FAP: variants seen among roughly 807,000 people sequenced by gnomAD.
FAP encodes the protein fibroblast activation protein alpha.
Under a neutral mutation model 126.5 loss-of-function variants are expected in FAP, and 110 were observed. The ratio of observed to expected loss-of-function variants is 0.87; its 90% CI spans 0.74 to 1.02. FAP has a LOEUF of 1.02. FAP is among the 50% of genes least tolerant of loss of function. The pLI, the probability that FAP is intolerant of heterozygous loss-of-function variation, is 0.00. For missense variants in FAP, 919 were observed against 909.2 expected (o/e 1.01, Z -0.14); for synonymous variants, 334 against 297.3 (o/e 1.12, Z -1.27).
At chr2:162,188,889 A>C (rs960078428) in intron 19 of FAP, among the ~76,000 whole-genome samples, 6 of 152,126 alleles carry the variant, frequency 3.9e-5, no homozygotes, top group Admixed American at 3.3e-4. Context: ...AATTTAACAC[A>C]GCAAATGCAA....
chr2:162,235,719 G>A (rs960325476), intron 2 of FAP, among the ~76,000 whole-genome samples: 2 of 152,216 alleles, frequency 1.3e-5, no homozygotes, highest in Non-Finnish European at 1.5e-5. Flanking sequence ...TGAGCCAGCA[G>A]TGGCACTCTG....
In FAP at chr2:162,202,854, G is replaced by A; in HGVS notation, c.1223+18C>T. Reference sequence around the variant, plus strand: ...AATTAAAACCTGAATGGTGCATCGTGCTTCGTGCAATACTTACAGTGAATC... The same window carrying A: ...AATTAAAACCTGAATGGTGCATCGTACTTCGTGCAATACTTACAGTGAATC... On this transcript the variant is annotated intron_variant, in intron 14 of 25. Transcript: ENST00000188790. 1.9e-6 allele frequency: 3 copies of A among 1,598,742 alleles called. No individual in the cohort carries two copies. Among genetic ancestry groups the A allele is most frequent in the Non-Finnish European group, 2.6e-6 (3 of 1,166,178 alleles).
At chr2:162,172,378 A>C (rs9973461) in intron 25 of FAP, 19,817 of 159,882 alleles carry the variant, frequency 0.12, 2,799 homozygotes, top group African/African-American at 0.3. Flanking sequence ...TTCTCTAACC[A>C]CAAATGGAGC....
chr2:162,224,793 A>G (rs558784260), intron 4 of FAP, among the ~76,000 whole-genome samples: 160 of 152,308 alleles, frequency 1.1e-3, no homozygotes, highest in African/African-American at 3.7e-3. Flanking sequence ...GTAACATACT[A>G]CAAATTAGGA....
At chr2:162,195,915 A>G (rs1688236770) in intron 16 of FAP, among the ~76,000 whole-genome samples, 1 of 152,152 alleles carries the variant, frequency 6.6e-6, no homozygotes, top group African/African-American at 2.4e-5. Flanking sequence ...AACCCATTAA[A>G]GTAGCATGCT....
At chr2:162,216,030 C>T (rs370470786) in intron 9 of FAP, 29 bp from the exon 10 acceptor site, 25 of 1,488,664 alleles carry the variant, frequency 1.7e-5, no homozygotes, top group Middle Eastern at 1.7e-4. Flanking sequence ...TATATAAGCT[C>T]ATAAAATTCC....
chr2:162,195,455 G>A (rs1367206348), intron 16 of FAP, among the ~76,000 whole-genome samples: 3 of 151,880 alleles, frequency 2.0e-5, no homozygotes, highest in African/African-American at 7.3e-5. Context: ...CCCTAGCATG[G>A]AGCTTTACCC....
At chr2:162,185,016 T>C (rs988756362) in intron 20 of FAP, among the ~76,000 whole-genome samples, 2 of 152,178 alleles carry the variant, frequency 1.3e-5, no homozygotes, top group African/African-American at 4.8e-5. Flanking sequence ...ACATTAACAC[T>C]GAATGTTGCA....
chr2:162,236,573 A>G (rs2106303122), intron 2 of FAP, among the ~76,000 whole-genome samples: 1 of 151,632 alleles, frequency 6.6e-6, no homozygotes, highest in South Asian at 2.1e-4. Context: ...TGCCTATTTC[A>G]ATGTGCCTAT....
intron 2 of FAP, 50 bp downstream of exon 2, chr2:162,242,858 A>G: frequency 7.1e-7 from 1 of 1,416,952 alleles, no homozygotes; most frequent in Non-Finnish European, 9.9e-7. Flanking sequence ...GCATTAGTAC[A>G]TTTTCCAAGC....
chr2:162,179,804 A>C (rs1400953239), intron 21 of FAP, among the ~76,000 whole-genome samples: 46 of 139,892 alleles, frequency 3.3e-4, no homozygotes, highest in African/African-American at 1.2e-3. Flanking sequence ...ATATATATAT[A>C]TATATATATT....
At chr2:162,243,267 G>A (rs1576209539) in intron 1 of FAP, 55 bp downstream of exon 1, 2 of 1,341,596 alleles carry the variant, frequency 1.5e-6, no homozygotes, top group Non-Finnish European at 2.1e-6. Flanking sequence ...CTCTGATCAC[G>A]TTCAATCCAG....
chr2:162,186,508 G>A (rs998420644), intron 20 of FAP, among the ~76,000 whole-genome samples: 1 of 151,974 alleles, frequency 6.6e-6, no homozygotes, highest in Non-Finnish European at 1.5e-5. Flanking sequence ...AGGTTCAAAT[G>A]GTGCATCTGT....
intron 16 of FAP, chr2:162,198,290 T>C (rs1434827239): frequency 2.3e-6 from 3 of 1,290,018 alleles, no homozygotes; most frequent in Admixed American, 4.6e-5. Context: ...CAAGCCGTTG[T>C]TCATTCCCCT....
At chr2:162,208,021 G>A (rs1311686135) in intron 12 of FAP, among the ~76,000 whole-genome samples, 1 of 151,888 alleles carries the variant, frequency 6.6e-6, no homozygotes, top group African/African-American at 2.4e-5. Flanking sequence ...TCTTTGGGAG[G>A]CCGAGGCAGG....
intron 20 of FAP, among the ~76,000 whole-genome samples, chr2:162,184,507 C>T (rs749342897): frequency 1.3e-5 from 2 of 152,210 alleles, no homozygotes; most frequent in African/African-American, 4.8e-5. Flanking sequence ...TCAACATGCA[C>T]GTTTCCGATG....
chr2:162,174,257 A>G (rs1185952536), intron 22 of FAP, among the ~76,000 whole-genome samples: 1 of 152,130 alleles, frequency 6.6e-6, no homozygotes, highest in Non-Finnish European at 1.5e-5. Context: ...TTCTTAATCA[A>G]GATCCCCTAC....
At chr2:162,173,903 G>C (rs1004411211) in intron 22 of FAP, 116 bp from the exon 23 acceptor site, 2 of 745,806 alleles carry the variant, frequency 2.7e-6, no homozygotes, top group South Asian at 3.4e-5. Flanking sequence ...AGCTCTTGAG[G>C]TAAATTCTTG....
intron 12 of FAP, among the ~76,000 whole-genome samples, chr2:162,204,599 T>C (rs1688625316): frequency 6.6e-6 from 1 of 152,154 alleles, no homozygotes; most frequent in Non-Finnish European, 1.5e-5. Flanking sequence ...GCTCAGGGAT[T>C]TCTAGGAGCC....
Sources: allele counts gnomAD v4.1 joint callset (sites outside exome capture counted in the v4.1 genomes callset), GRCh38; gene constraint gnomAD v4.1.1; transcripts MANE v1.5; gene names NCBI Gene and HGNC (gene_info 2026-07-23, HGNC 2026-07-21).